The following PHF14 variants were observed in gnomAD, a reference collection of about 807,000 sequenced individuals.
The protein encoded by PHF14 is PHD finger protein 14.
Under a neutral mutation model 117.9 loss-of-function variants are expected in PHF14, and 55 were observed. The observed-to-expected ratio is 0.47, with a 90% CI of 0.38 to 0.58. The LOEUF (loss-of-function observed/expected upper bound fraction) is 0.58. PHF14 is among the 20% of genes least tolerant of loss of function. The pLI is 0.00. For synonymous variants in PHF14, 409 were observed against 368.6 expected, an observed-to-expected ratio of 1.11 and a Z score of -1.26; for missense variants, 978 against 1,122.2, an observed-to-expected ratio of 0.87 and a Z score of 1.84.
intron 16 of PHF14, among the ~76,000 whole-genome samples, chr7:11,065,184 C>A (rs796725239): frequency 1.1e-4 from 17 of 151,934 alleles, no homozygotes; most frequent in African/African-American, 3.9e-4. Flanking sequence ...TTTTTGCCAT[C>A]TACTTTTAAA....
At chr7:11,120,401 A>C (rs1333748957) in intron 17 of PHF14, among the ~76,000 whole-genome samples, 1 of 152,018 alleles carries the variant, frequency 6.6e-6, no homozygotes, top group African/African-American at 2.4e-5. Flanking sequence ...AATGTTAAGA[A>C]ATGTTTTTTA....
At chr7:11,013,425 G>T (rs1783421491) in intron 4 of PHF14, among the ~76,000 whole-genome samples, 1 of 152,104 alleles carries the variant, frequency 6.6e-6, no homozygotes, top group Non-Finnish European at 1.5e-5. Flanking sequence ...GCCTCCCAAA[G>T]TGCTGGGAAT....
At chr7:11,105,892 C>G in intron 16 of PHF14, 2 of 983,100 alleles carry the variant, frequency 2.0e-6, no homozygotes, top group Non-Finnish European at 2.4e-6. Flanking sequence ...AAATCAGGAT[C>G]TACACTATTG....
chr7:11,108,643 T>C (rs1476286293), intron 16 of PHF14: 2 of 151,814 alleles, frequency 1.3e-5, no homozygotes, highest in African/African-American at 4.8e-5. Context: ...TCTGATAAGC[T>C]AGCATATAAA....
intron 17 of PHF14, among the ~76,000 whole-genome samples, chr7:11,155,484 A>G (rs920345098): frequency 6.6e-6 from 1 of 152,122 alleles, no homozygotes; most frequent in Admixed American, 6.6e-5. Context: ...TGGCTGACTT[A>G]CCCTTCCCAC....
At chr7:11,058,686 A>G (rs16876779) in intron 14 of PHF14, among the ~76,000 whole-genome samples, 1,996 of 152,294 alleles carry the variant, frequency 0.013, 45 homozygotes, top group East Asian at 0.1. Flanking sequence ...GGGCATCACA[A>G]TGTTACAGTT....
At chr7:11,122,839 G>A (rs1787816658) in intron 17 of PHF14, among the ~76,000 whole-genome samples, 1 of 151,892 alleles carries the variant, frequency 6.6e-6, no homozygotes, top group Admixed American at 6.6e-5. Flanking sequence ...TGTTTTCTTG[G>A]TCACCAATAA....
intron 17 of PHF14, among the ~76,000 whole-genome samples, chr7:11,115,891 C>G (rs988469758): frequency 2.6e-5 from 4 of 151,918 alleles, no homozygotes; most frequent in Admixed American, 2.6e-4. Context: ...GGTTTAGATT[C>G]ATTATGCATC....
chr7:11,093,687 C>T (rs1001157099), intron 16 of PHF14, among the ~76,000 whole-genome samples: 1 of 152,168 alleles, frequency 6.6e-6, no homozygotes, highest in African/African-American at 2.4e-5. Context: ...CAAAGGAGTT[C>T]TTAATTTTCC....
In PHF14 at chr7:11,056,320, A is replaced by G. The variant is rs551687490; in HGVS notation, c.2481+4540A>G. On this transcript the variant is annotated intron_variant, in intron 14 of 17. Transcript: ENST00000634607. ...AGACTTTCCTTATTTTGTATATACC[A>G]TTATCTCTGAGAAGGTTTTTATAGC... Among the ~76,000 whole-genome samples the G allele has an allele frequency of 2.6e-5, 4 of 152,258 alleles. No individual in the cohort carries two copies. The East Asian group carries it at 5.8e-4, about 22-fold the overall frequency.
intron 17 of PHF14, among the ~76,000 whole-genome samples, chr7:11,147,977 G>C (rs1788595444): frequency 6.6e-6 from 1 of 152,078 alleles, no homozygotes; most frequent in Non-Finnish European, 1.5e-5. Flanking sequence ...TTCTCCCACA[G>C]TCTTTCCTAC....
rs1275723730 is a variant in PHF14, at chr7:11,155,762, G to GTTTTTTTTTTGT, written c.2773-13645_2773-13634dup. Among the ~76,000 whole-genome samples, 1,214 of 146,380 alleles carry GTTTTTTTTTTGT rather than the reference G, an allele frequency of 8.3e-3. 21 individuals are homozygous for GTTTTTTTTTTGT. Among genetic ancestry groups the GTTTTTTTTTTGT allele is most frequent in the African/African-American group, 0.03 (1,163 of 39,404 alleles). On this transcript the variant is annotated intron_variant, in intron 17 of 17. Coordinates refer to ENST00000634607, the MANE Select transcript of PHF14 (RefSeq NM_001007157.2). Reference sequence around the variant, plus strand: ...GGACAGTGTCTGTCTTATATACAATGTTTTTTTTTTGTTTTTTTTTAGCAA... The same window carrying GTTTTTTTTTTGT: ...GGACAGTGTCTGTCTTATATACAATGTTTTTTTTTTGTTTTTTTTTTTGTTTTTTTTTAGCAA...
chr7:11,078,143 C>G (rs897600993), intron 16 of PHF14, among the ~76,000 whole-genome samples: 1 of 152,044 alleles, frequency 6.6e-6, no homozygotes, highest in African/African-American at 2.4e-5. Flanking sequence ...ATTTTTTCCC[C>G]TTATTTATCC....
chr7:10,982,377 G>T lies in PHF14; in HGVS notation c.118G>T (p.Glu40Ter). The change falls in exon 3 of 18, where the codon GAA becomes TAA. Residue 40 changes from glutamate to a stop codon, truncating the protein, a stop_gained. Transcript: ENST00000634607. LOFTEE classifies it high-confidence loss of function. ...DFKVGDASDSEGSGNGSEDAS... is the reference protein window; with the variant it reads ...DFKVGDASDS ...TTTTCTCATATTTTCAACAGATTCT[G>T]AAGGGAGTGGTAATGGAAGTGAAGA... 6.5e-7 allele frequency: 1 copy of T among 1,544,630 alleles called. No homozygotes were observed. The highest frequency in any genetic ancestry group is 2.3e-5 in the East Asian group (1 of 44,070).
At chr7:11,010,614 TATATATGAAATCCATATATAC>T (rs1221802314) in intron 4 of PHF14, among the ~76,000 whole-genome samples, 1 of 152,068 alleles carries the variant, frequency 6.6e-6, no homozygotes, top group Non-Finnish European at 1.5e-5. Flanking sequence ...ATTAACATAG[TATATATGAAATCCATATATAC>T]ATATATATAT....
rs541307451 is a variant in PHF14 at position 10,990,270 on chromosome 7, A to G, written c.901-433A>G. 4.7e-4 allele frequency among the ~76,000 whole-genome samples: 71 copies of G among 152,306 alleles called. 1 individual carries two copies. In the South Asian group the frequency reaches 8.3e-3, roughly 18 times the overall value. ...TATGTGCGTCTTGTCTTCTCTAGGT[A>G]GGATTATAAGCTCCTAAAGTGTAAG... On this transcript the variant is annotated intron_variant, in intron 3 of 17. Transcript: ENST00000634607.
At chr7:11,118,394 T>G (rs183041743) in intron 17 of PHF14, among the ~76,000 whole-genome samples, 14 of 152,012 alleles carry the variant, frequency 9.2e-5, no homozygotes, top group Non-Finnish European at 4.4e-5. Flanking sequence ...TCTAGCATGT[T>G]CCTTGGCAAG....
In PHF14 at chr7:11,108,165, T is replaced by C. The variant is rs1047603128; in HGVS notation, c.2655-3185T>C. On this transcript the variant is annotated intron_variant, in intron 16 of 17. Transcript: ENST00000634607. The stretch of plus-strand genomic sequence containing the variant: ...TGCAAGTTCTGCTAGAGTTCACTTG[T>C]GTCCAGTAAGATGTTTCTGTGATTA... 1.1e-4 allele frequency: 16 copies of C among 151,762 alleles called. No individual in the cohort carries two copies. In the Admixed American group the frequency reaches 1.1e-3, roughly 10 times the overall value. 9.4% of individuals were successfully genotyped at this position (151,762 alleles called of 1,614,324 possible). A position where few individuals can be genotyped will look rare whatever the true frequency, so the allele number is the denominator to read the frequency against.
At chr7:11,032,286 C>G (rs1055147524) in intron 7 of PHF14, among the ~76,000 whole-genome samples, 10 of 151,936 alleles carry the variant, frequency 6.6e-5, no homozygotes, top group African/African-American at 2.4e-4. Flanking sequence ...TTTGATATGC[C>G]ATTAGGTTAT....
Sources: allele counts gnomAD v4.1 joint callset (sites outside exome capture counted in the v4.1 genomes callset), GRCh38; gene constraint gnomAD v4.1.1; transcripts MANE v1.5; gene names NCBI Gene and HGNC (gene_info 2026-07-23, HGNC 2026-07-21).